The following ARHGAP10 variants were observed in gnomAD, a reference collection of about 807,000 sequenced individuals.
ARHGAP10 encodes Rho GTPase activating protein 10.
A neutral mutation model predicts 108.6 loss-of-function variants in ARHGAP10; 87 were observed. The observed-to-expected ratio is 0.80, with a 90% CI of 0.67 to 0.96. The LOEUF is 0.96. ARHGAP10 is among the 40% of genes least tolerant of loss of function. ARHGAP10 has a pLI of 0.00. For synonymous variants in ARHGAP10, 347 were observed against 341.1 expected (o/e 1.02, Z -0.19); for missense variants, 939 against 954.5 (o/e 0.98, Z 0.21).
chr4:147,831,905 A>G (rs17023933), intron 3 of ARHGAP10, among the ~76,000 whole-genome samples: 1 of 152,142 alleles, frequency 6.6e-6, no homozygotes, highest in African/African-American at 2.4e-5. Flanking sequence ...GCCTTGCCCC[A>G]TGACTCAGTG....
At chr4:147,868,243 G>GTT (rs66538210) in intron 7 of ARHGAP10, among the ~76,000 whole-genome samples, 96 of 145,586 alleles carry the variant, frequency 6.6e-4, no homozygotes, top group African/African-American at 1.7e-3. Flanking sequence ...AGTTTTTTTT[G>GTT]TTTTTTTTTT....
At chr4:147,881,223 A>C (rs1448297206) in intron 9 of ARHGAP10, among the ~76,000 whole-genome samples, 2 of 151,970 alleles carry the variant, frequency 1.3e-5, no homozygotes, top group African/African-American at 4.8e-5. Context: ...CAGTGAGCTG[A>C]GATTGCACCA....
At chr4:148,033,339 A>T (rs1045627313) in intron 19 of ARHGAP10, among the ~76,000 whole-genome samples, 1 of 152,234 alleles carries the variant, frequency 6.6e-6, no homozygotes, top group East Asian at 1.9e-4. Flanking sequence ...CCATCCTGGG[A>T]TGATAAAGAT....
At chr4:148,011,865 G>A (rs1013190778) in intron 18 of ARHGAP10, among the ~76,000 whole-genome samples, 2 of 152,158 alleles carry the variant, frequency 1.3e-5, no homozygotes, top group Non-Finnish European at 2.9e-5. Context: ...AGCATTAATT[G>A]TTGGCTCCTT....
chr4:148,009,032 A>AT (rs1011176439), intron 18 of ARHGAP10, among the ~76,000 whole-genome samples: 5 of 151,960 alleles, frequency 3.3e-5, no homozygotes, highest in Admixed American at 6.6e-5. Flanking sequence ...AAAGTTTTAA[A>AT]TTTTTTTTAC....
In ARHGAP10 at chr4:147,769,066, C is replaced by T. The variant is rs200803279; in HGVS notation, c.154+36611C>T. ...ATTCAGCATATGAAAATTAAAAAAA[C>T]ATAAAAAAGGGCAGAAATGAATTAT... On this transcript the variant is annotated intron_variant, in intron 1 of 22. Coordinates refer to ENST00000336498, the MANE Select transcript of ARHGAP10 (RefSeq NM_024605.4). 9.2e-5 allele frequency among the ~76,000 whole-genome samples: 14 copies of T among 152,134 alleles called. 1 individual carries two copies. The South Asian group carries it at 2.5e-3, about 27-fold the overall frequency.
chr4:147,744,201 C>G (rs1437794042), intron 1 of ARHGAP10, among the ~76,000 whole-genome samples: 1 of 152,152 alleles, frequency 6.6e-6, no homozygotes, highest in Non-Finnish European at 1.5e-5. Flanking sequence ...GAAAATAAAA[C>G]TTCTAGGCTG....
chr4:147,755,784 GGTGTGTGTGAGTGGTTGTGGGTGTGT>G (rs1346068315), intron 1 of ARHGAP10, among the ~76,000 whole-genome samples: 3 of 151,970 alleles, frequency 2.0e-5, no homozygotes, highest in African/African-American at 7.3e-5. Flanking sequence ...GTGGGGTGTG[GGTGTGTGTGAGTGGTTGTGGGTGTGT>G]GTGTGTAGTG....
chr4:148,016,801 TG>T (rs1232168817), intron 18 of ARHGAP10, among the ~76,000 whole-genome samples: 1 of 152,100 alleles, frequency 6.6e-6, no homozygotes, highest in Non-Finnish European at 1.5e-5. Context: ...GGCTTCCACT[TG>T]GGGTTCCCAC....
chr4:147,767,549 G>T (rs552538719), intron 1 of ARHGAP10, among the ~76,000 whole-genome samples: 6 of 152,042 alleles, frequency 3.9e-5, no homozygotes, highest in Non-Finnish European at 7.4e-5. Context: ...TATATTAAAA[G>T]ATTATCAAGA....
chr4:147,987,904 C>A (rs865867505), intron 18 of ARHGAP10, among the ~76,000 whole-genome samples: 5 of 152,236 alleles, frequency 3.3e-5, no homozygotes, highest in Admixed American at 1.3e-4. Context: ...GCTCTTGTTA[C>A]TTCCTGCTGA....
intron 19 of ARHGAP10, among the ~76,000 whole-genome samples, chr4:148,029,722 A>G (rs7668569): frequency 0.21 from 31,486 of 152,114 alleles, 4,601 homozygotes; most frequent in African/African-American, 0.41. Context: ...TCCCAAGCCC[A>G]GAAGCCCTTT....
intron 1 of ARHGAP10, chr4:147,808,954 C>T (rs975576241): frequency 3.3e-5 from 5 of 152,250 alleles, no homozygotes; most frequent in Middle Eastern, 3.2e-3. Context: ...ACCTGTTGTC[C>T]CAGCTTCCCA....
At chr4:147,823,718 C>T (rs933947502) in intron 3 of ARHGAP10, among the ~76,000 whole-genome samples, 4 of 152,078 alleles carry the variant, frequency 2.6e-5, no homozygotes, top group Non-Finnish European at 5.9e-5. Context: ...GATTGTGCCA[C>T]TGCCCTCCAG....
chr4:147,776,373 C>A (rs1171223371), intron 1 of ARHGAP10, among the ~76,000 whole-genome samples: 2 of 152,126 alleles, frequency 1.3e-5, no homozygotes, highest in African/African-American at 4.8e-5. Flanking sequence ...GAACGCGTCA[C>A]CACACCCAGC....
intron 1 of ARHGAP10, among the ~76,000 whole-genome samples, chr4:147,784,787 A>T (rs1730785782): frequency 2.5e-5 from 1 of 40,244 alleles, no homozygotes; most frequent in Non-Finnish European, 5.9e-5. Context: ...ATATATTATA[A>T]AATATATATT....
chr4:147,835,901 G>A (rs1387900944), intron 3 of ARHGAP10, among the ~76,000 whole-genome samples: 3 of 152,038 alleles, frequency 2.0e-5, no homozygotes, highest in East Asian at 1.9e-4. Context: ...ATATCGAAGC[G>A]AGGTTCTTAC....
chr4:147,865,305 G>A lies in ARHGAP10; in HGVS notation c.597+349G>A, dbSNP rs565715980. ...TGAGTGAACATGGGTTGTTTATACC[G>A]GTTCAAACTTTGGTACTTTAAACAA... On this transcript the variant is annotated intron_variant, in intron 6 of 22. Coordinates refer to ENST00000336498, the MANE Select transcript of ARHGAP10 (RefSeq NM_024605.4). The A allele has an allele frequency of 9.0e-5, 15 of 166,836 alleles. No homozygotes were observed. In the South Asian group the frequency reaches 2.0e-3, roughly 22 times the overall value. 10.3% of individuals were successfully genotyped at this position (166,836 alleles called of 1,614,324 possible).
chr4:147,789,991 A>G (rs1343504307), intron 1 of ARHGAP10, among the ~76,000 whole-genome samples: 2 of 117,826 alleles, frequency 1.7e-5, no homozygotes, highest in Admixed American at 8.8e-5. Context: ...TGGTGTGTGG[A>G]TTTTTTTTTT....
Sources: gnomAD v4.1 joint callset for allele counts (sites outside exome capture counted in the v4.1 genomes callset) on GRCh38, gnomAD v4.1.1 for gene constraint, MANE v1.5 for transcripts, NCBI Gene and HGNC (gene_info 2026-07-23, HGNC 2026-07-21) for gene names.